BACH2: variants seen among roughly 807,000 people sequenced by gnomAD.
BACH2 encodes BACH transcriptional regulator 2.
BACH2 carries 5 observed loss-of-function variants against 61.8 expected under a neutral mutation model. The ratio of observed to expected loss-of-function variants is 0.08; its 90% CI spans 0.04 to 0.17. The LOEUF (loss-of-function observed/expected upper bound fraction) is 0.17. Ranked by LOEUF, BACH2 falls within the 10% of genes least tolerant of loss-of-function variation. The probability of loss-of-function intolerance (pLI) is 1.00; values close to 1 mark genes in which losing one functional copy is unlikely to be tolerated. For synonymous variants in BACH2, 446 were observed against 440.1 expected (o/e 1.01, Z -0.17); for missense variants, 824 against 1,091.1 (o/e 0.76, Z 3.45).
At chr6:90,251,156 C>CTT (rs530852248) in intron 3 of BACH2, among the ~76,000 whole-genome samples, 11 of 149,048 alleles carry the variant, frequency 7.4e-5, no homozygotes, top group Non-Finnish European at 1.2e-4. Context: ...TAATAATCAA[C>CTT]TTTTTTTTTT....
At position 90,180,112 on chromosome 6, in the gene BACH2, C is replaced by T. The variant is rs1222269337; in HGVS notation, c.-162+26457G>A. Reference sequence around the variant, plus strand: ...TCTAAAAGTCTTAGTGCATTTTAAACTTTAATAATTTCAGAAGTATAAATG... The same window carrying T: ...TCTAAAAGTCTTAGTGCATTTTAAATTTTAATAATTTCAGAAGTATAAATG... On this transcript the variant is annotated intron_variant, in intron 4 of 8. Transcript: ENST00000257749. Among the ~76,000 whole-genome samples, 11 of 152,144 alleles carry T rather than the reference C, an allele frequency of 7.2e-5. No individual in the cohort carries two copies. The South Asian group carries it at 2.3e-3, about 32-fold the overall frequency.
chr6:90,234,054 T>A (rs1260037105), intron 3 of BACH2, among the ~76,000 whole-genome samples: 1 of 152,170 alleles, frequency 6.6e-6, no homozygotes, highest in African/African-American at 2.4e-5. Flanking sequence ...ATGAGAACAC[T>A]CTCGGCCCCT....
intron 2 of BACH2, among the ~76,000 whole-genome samples, chr6:90,267,949 AT>A (rs553616967): frequency 6.6e-6 from 1 of 150,446 alleles, no homozygotes; most frequent in Non-Finnish European, 1.5e-5. Context: ...TTGTCCTACA[AT>A]TTTTTTTAAA....
chr6:90,176,720 G>C (rs1381338543), intron 4 of BACH2, among the ~76,000 whole-genome samples: 1 of 152,130 alleles, frequency 6.6e-6, no homozygotes, highest in Admixed American at 6.5e-5. Flanking sequence ...TTTGGTGACA[G>C]AGTCCAATTG....
chr6:90,155,452 G>T (rs1410697508), intron 4 of BACH2, among the ~76,000 whole-genome samples: 1 of 152,136 alleles, frequency 6.6e-6, no homozygotes, highest in African/African-American at 2.4e-5. Flanking sequence ...GCCATGCAAG[G>T]GCTAGAGCAA....
rs1165514113 is a variant in BACH2 at position 89,930,209 on chromosome 6, A to C, written c.*2199T>G. The stretch of plus-strand genomic sequence containing the variant: ...CCCAGAGGCAGGTTTTAAAAGTGGA[A>C]CTGTTTAAAAAGAAAAGCCTTTTTT... On this transcript the variant is annotated 3_prime_UTR_variant, in exon 9 of 9. Transcript: ENST00000257749. The C allele has an allele frequency of 7.0e-6, 1 of 143,708 alleles. No individual in the cohort carries two copies. Among genetic ancestry groups the C allele is most frequent in the African/African-American group, 2.6e-5 (1 of 38,854 alleles). The allele number at this position is 143,708 out of a possible 1,614,324, so 8.9% of individuals were successfully genotyped here.
intron 4 of BACH2, among the ~76,000 whole-genome samples, chr6:90,121,389 G>A (rs1783617523): frequency 6.6e-6 from 1 of 151,548 alleles, no homozygotes; most frequent in South Asian, 2.1e-4. Flanking sequence ...AGGTAGATAG[G>A]GTTCCTTCTT....
chr6:90,171,149 G>T (rs533781839), intron 4 of BACH2, among the ~76,000 whole-genome samples: 1 of 152,122 alleles, frequency 6.6e-6, no homozygotes, highest in Admixed American at 6.5e-5. Flanking sequence ...AGTGGCTCAC[G>T]CCTGTAATCC....
chr6:90,284,847 G>A (rs1166696445), intron 1 of BACH2, among the ~76,000 whole-genome samples: 1 of 152,150 alleles, frequency 6.6e-6, no homozygotes, highest in African/African-American at 2.4e-5. Context: ...CAATTCTATT[G>A]ATACTGATGA....
chr6:90,296,322 G>A (rs1772385741), intron 1 of BACH2, among the ~76,000 whole-genome samples, 158 bp downstream of exon 1: 1 of 151,396 alleles, frequency 6.6e-6, no homozygotes, highest in Non-Finnish European at 1.5e-5. Context: ...AAAGCGGGCA[G>A]GGCGCGGGGA....
chr6:89,929,027 GATAC>G lies in BACH2; in HGVS notation c.*3377_*3380del. On this transcript the variant is annotated 3_prime_UTR_variant, in exon 9 of 9. Coordinates refer to ENST00000257749, the MANE Select transcript of BACH2 (RefSeq NM_021813.4). ...GACCAACTTGAAAAGAGGTTGCCTG[GATAC>G]ACAAGCAGGACAAAGGCAGATCCAA... 4 of 152,430 alleles carry G rather than the reference GATAC, an allele frequency of 2.6e-5. No individual in the cohort carries two copies. Among genetic ancestry groups the G allele is most frequent in the African/African-American group, 9.7e-5 (4 of 41,312 alleles). 9.4% of individuals were successfully genotyped at this position (152,430 alleles called of 1,614,324 possible).
At chr6:89,989,366 C>T (rs760596508) in intron 6 of BACH2, among the ~76,000 whole-genome samples, 24 of 152,068 alleles carry the variant, frequency 1.6e-4, no homozygotes, top group Admixed American at 3.9e-4. Context: ...AATTTGAGTA[C>T]TTTAGGTATG....
chr6:90,149,222 T>C (rs1784727278), intron 4 of BACH2, among the ~76,000 whole-genome samples: 1 of 152,180 alleles, frequency 6.6e-6, no homozygotes, highest in South Asian at 2.1e-4. Flanking sequence ...AGAGATATGA[T>C]AAGGGGCAAG....
At chr6:89,990,267 A>C (rs960919970) in intron 6 of BACH2, among the ~76,000 whole-genome samples, 9 of 152,242 alleles carry the variant, frequency 5.9e-5, no homozygotes, top group African/African-American at 1.9e-4. Flanking sequence ...GATTGAGCTC[A>C]ACTTACCAAT....
chr6:90,145,986 T>A (rs529776083), intron 4 of BACH2, among the ~76,000 whole-genome samples: 1 of 152,354 alleles, frequency 6.6e-6, no homozygotes, highest in East Asian at 1.9e-4. Flanking sequence ...CAATAACACA[T>A]TAAACTTCAA....
chr6:89,963,889 CCT>C (rs1774892446), intron 6 of BACH2, among the ~76,000 whole-genome samples: 1 of 152,172 alleles, frequency 6.6e-6, no homozygotes, highest in African/African-American at 2.4e-5. Context: ...GGAAGAAAAT[CCT>C]GTCACGTGTT....
chr6:90,218,281 A>G (rs528726446), intron 3 of BACH2: 1 of 152,214 alleles, frequency 6.6e-6, no homozygotes, highest in South Asian at 2.1e-4. Context: ...AAAGTTTCCC[A>G]ACACCTTCTT....
intron 3 of BACH2, among the ~76,000 whole-genome samples, chr6:90,225,004 T>G (rs1178714773): frequency 6.6e-6 from 1 of 152,164 alleles, no homozygotes; most frequent in Middle Eastern, 3.2e-3. Flanking sequence ...ATCCATTAAT[T>G]CATTCAACAA....
At chr6:90,281,673 T>C (rs1771862856) in intron 1 of BACH2, among the ~76,000 whole-genome samples, 1 of 152,238 alleles carries the variant, frequency 6.6e-6, no homozygotes. Context: ...ACTGTATATA[T>C]TCTTCTATCT....
Sources: allele counts gnomAD v4.1 joint callset (sites outside exome capture counted in the v4.1 genomes callset), GRCh38; gene constraint gnomAD v4.1.1; transcripts MANE v1.5; gene names NCBI Gene and HGNC (gene_info 2026-07-23, HGNC 2026-07-21).